The following SCML2 variants were observed in gnomAD, a reference collection of about 807,000 sequenced individuals.
SCML2 encodes sex comb on midleg-like protein 2.
A neutral mutation model predicts 48.4 loss-of-function variants in SCML2; 6 were observed. That is an observed-to-expected ratio of 0.12 (90% CI 0.07 to 0.24). SCML2 has a LOEUF of 0.24. Among genes scored for constraint, SCML2 ranks in the 10% least tolerant of loss-of-function variants. The pLI is 1.00. For synonymous variants in SCML2, 181 were observed against 189.5 expected (o/e 0.95, Z 0.37); for missense variants, 377 against 528.2 (o/e 0.71, Z 2.81).
chrX:18,263,354 A>G (rs1188767502), intron 8 of SCML2, among the ~76,000 whole-genome samples: 1 of 111,846 alleles, frequency 8.9e-6, no homozygotes, highest in African/African-American at 3.2e-5. Context: ...TTAGTTATAA[A>G]TAGTCATGTT....
chrX:18,264,466 T>C (rs1178574374), intron 8 of SCML2, among the ~76,000 whole-genome samples: 3 of 108,798 alleles, frequency 2.8e-5, no homozygotes, highest in Non-Finnish European at 5.7e-5. Context: ...TGTGTGTGTG[T>C]GTGTGTGTGT....
At chrX:18,313,176 C>T (rs1357675263) in intron 6 of SCML2, among the ~76,000 whole-genome samples, 3 of 111,020 alleles carry the variant, frequency 2.7e-5, no homozygotes, top group Non-Finnish European at 5.7e-5. Context: ...CCATCCACTT[C>T]ACCTATTTAT....
chrX:18,276,156 G>A (rs747552170), intron 7 of SCML2, among the ~76,000 whole-genome samples: 4 of 111,402 alleles, frequency 3.6e-5, no homozygotes, highest in Admixed American at 1.9e-4. Flanking sequence ...TCCGCCAGGC[G>A]TGGTGGTGCA....
intron 7 of SCML2, among the ~76,000 whole-genome samples, chrX:18,299,473 G>A (rs897688384): frequency 1.9e-4 from 21 of 109,335 alleles, no homozygotes; most frequent in Admixed American, 1.2e-3. Context: ...AGCTGAGATC[G>A]CGCCACTGCA....
intron 6 of SCML2, among the ~76,000 whole-genome samples, chrX:18,312,539 T>G (rs778377755): frequency 7.3e-5 from 8 of 109,878 alleles, no homozygotes; most frequent in Non-Finnish European, 1.1e-4. Flanking sequence ...TTTGGGTTTG[T>G]TTTTTTTTAA....
At chrX:18,301,761 G>A (rs1163527853) in intron 7 of SCML2, among the ~76,000 whole-genome samples, 2 of 111,232 alleles carry the variant, frequency 1.8e-5, no homozygotes, top group Admixed American at 9.6e-5. Flanking sequence ...TGGGTGTCAC[G>A]GCGAAACTCT....
At chrX:18,242,661 A>C in intron 13 of SCML2, 71 bp from the exon 14 acceptor site, 1 of 1,066,631 alleles carries the variant, frequency 9.4e-7, no homozygotes, top group South Asian at 2.1e-5. Context: ...GATGTTAGGT[A>C]GGGAATAATG....
At chrX:18,295,788 C>T (rs1297814546) in intron 7 of SCML2, among the ~76,000 whole-genome samples, 1 of 112,329 alleles carries the variant, frequency 8.9e-6, no homozygotes, top group African/African-American at 3.2e-5. Flanking sequence ...TCATCCACAG[C>T]AAAACCTCAC....
At position 18,241,154 on chromosome X, in the gene SCML2, C is replaced by G. The variant is rs1180174792; in HGVS notation, c.*97G>C. 3 of 725,680 alleles carry G rather than the reference C, an allele frequency of 4.1e-6. No individual in the cohort carries two copies. Among genetic ancestry groups the G allele is most frequent in the Non-Finnish European group, 5.7e-6 (3 of 529,676 alleles). 59.8% of individuals were successfully genotyped at this position (725,680 alleles called of 1,213,427 possible). On this transcript the variant is annotated 3_prime_UTR_variant, in exon 15 of 15. Transcript: ENST00000251900. The stretch of plus-strand genomic sequence containing the variant: ...TTCTGATAAAATATTTTTATGGGAA[C>G]TGTCTACAAAACAAAAACTGCTAAG...
At chrX:18,348,339 C>T (rs1312869542) in intron 1 of SCML2, among the ~76,000 whole-genome samples, 1 of 111,812 alleles carries the variant, frequency 8.9e-6, no homozygotes, top group Non-Finnish European at 1.9e-5. Flanking sequence ...CTAACACCGG[C>T]CCTACAAGAA....
At chrX:18,347,056 CAT>C (rs1286810566) in intron 1 of SCML2, among the ~76,000 whole-genome samples, 4 of 112,136 alleles carry the variant, frequency 3.6e-5, no homozygotes, top group Admixed American at 1.9e-4. Context: ...CATTTTCTGA[CAT>C]AGTTATAAAA....
At chrX:18,298,491 A>G (rs902781188) in intron 7 of SCML2, among the ~76,000 whole-genome samples, 1 of 112,491 alleles carries the variant, frequency 8.9e-6, no homozygotes, top group African/African-American at 3.2e-5. Context: ...CAAAGGCGCC[A>G]AGAACGTACA....
chrX:18,251,895 A>G (rs1569137586), intron 11 of SCML2, among the ~76,000 whole-genome samples: 1 of 112,511 alleles, frequency 8.9e-6, no homozygotes, highest in Non-Finnish European at 1.9e-5. Flanking sequence ...TGATAAATGG[A>G]TAAACATAAT....
At chrX:18,273,983 A>G (rs769166843) in intron 7 of SCML2, among the ~76,000 whole-genome samples, 1 of 111,010 alleles carries the variant, frequency 9.0e-6, no homozygotes, top group Non-Finnish European at 1.9e-5. Flanking sequence ...CACCTCCATC[A>G]GCAATAAAAT....
intron 7 of SCML2, among the ~76,000 whole-genome samples, chrX:18,290,001 G>A (rs1928178372): frequency 9.0e-6 from 1 of 110,707 alleles, no homozygotes; most frequent in Admixed American, 9.6e-5. Flanking sequence ...AACTACTAAA[G>A]TGACCAGTTA....
chrX:18,276,532 A>G lies in SCML2; in HGVS notation c.731-10730T>C, dbSNP rs758327827. On this transcript the variant is annotated intron_variant, in intron 7 of 14. Transcript: ENST00000251900. ...CATTGACATACATACATACACACCT[A>G]TGTTCACAGCAGCACTATTCACGGT... Among the ~76,000 whole-genome samples the G allele has an allele frequency of 2.7e-5, 3 of 111,596 alleles. No homozygotes were observed. The Admixed American group carries it at 2.8e-4, about 11-fold the overall frequency.
chrX:18,307,792 T>C (rs1446089285), intron 6 of SCML2, among the ~76,000 whole-genome samples: 2 of 110,018 alleles, frequency 1.8e-5, no homozygotes, highest in Non-Finnish European at 3.8e-5. Flanking sequence ...CTGGGCAACT[T>C]AGCAAAACCC....
At chrX:18,279,758 A>G (rs1418937932) in intron 7 of SCML2, among the ~76,000 whole-genome samples, 1 of 112,042 alleles carries the variant, frequency 8.9e-6, no homozygotes, top group African/African-American at 3.2e-5. Flanking sequence ...CAAGCTGAGG[A>G]AAGAATCTCA....
chrX:18,289,102 C>G (rs1344941938), intron 7 of SCML2, among the ~76,000 whole-genome samples: 1 of 111,648 alleles, frequency 9.0e-6, no homozygotes, highest in Admixed American at 9.5e-5. Flanking sequence ...AATCTAACTG[C>G]TAACCCACTG....
Sources: allele counts gnomAD v4.1 joint callset (sites outside exome capture counted in the v4.1 genomes callset), GRCh38; gene constraint gnomAD v4.1.1; transcripts MANE v1.5; gene names NCBI Gene and HGNC (gene_info 2026-07-23, HGNC 2026-07-21).